MLXIPL: variants seen among roughly 807,000 people sequenced by gnomAD.
The protein encoded by MLXIPL is carbohydrate-responsive element-binding protein.
MLXIPL carries 49 observed loss-of-function variants against 81.5 expected under a neutral mutation model. The ratio of observed to expected loss-of-function variants is 0.60; its 90% CI spans 0.48 to 0.76. The LOEUF is 0.76. Among genes scored for constraint, MLXIPL ranks in the 30% least tolerant of loss-of-function variants. The pLI, the probability that MLXIPL is intolerant of heterozygous loss-of-function variation, is 0.00. For missense variants in MLXIPL, 1,053 were observed against 1,167.0 expected (o/e 0.90, Z 1.42); for synonymous variants, 466 against 485.5 (o/e 0.96, Z 0.53).
At position 73,624,058 on chromosome 7, in the gene MLXIPL, C is replaced by T. The variant is rs545735334; in HGVS notation, c.293+142G>A. 4.5e-4 allele frequency: 537 copies of T among 1,186,614 alleles called. 10 individuals carry two copies. The South Asian group carries it at 8.3e-3, about 18-fold the overall frequency. The allele number at this position is 1,186,614 out of a possible 1,614,324, so 73.5% of individuals were successfully genotyped here. A position where few individuals can be genotyped will look rare whatever the true frequency, so the allele number is the denominator to read the frequency against. ...CTCGGGGCTGGGAGAAAGGGGGTGT[C>T]CAGGGCGTGATCGGAGCCTCCGGGA... On this transcript the variant is annotated intron_variant, in intron 1 of 16. Transcript: ENST00000313375.
upstream of MLXIPL, among the ~76,000 whole-genome samples, chr7:73,625,052 C>A (rs376888948): frequency 5.8e-4 from 88 of 152,104 alleles, 1 homozygote; most frequent in South Asian, 0.012. Context: ...GGCATGGTGG[C>A]GTGTGCATGT....
the MLXIPL span, among the ~76,000 whole-genome samples, chr7:73,643,524 A>G: frequency 3.9e-5 from 6 of 152,044 alleles, no homozygotes; most frequent in African/African-American, 1.4e-4. Context: ...AAAAAAAAAA[A>G]AAAAAAGAAA....
In MLXIPL at chr7:73,607,423, G is replaced by T. The variant is rs892430350; in HGVS notation, c.484-3C>A. The T allele has an allele frequency of 6.4e-7, 1 of 1,555,154 alleles. No individual in the cohort carries two copies. On this transcript the variant is annotated splice_region_variant and splice_polypyrimidine_tract_variant and intron_variant, in intron 3 of 16. Transcript: ENST00000313375. ...TAGTTCCCCTCCAGGACCACGGCCTGGGGTAGGGGCCGGGGGAGGGGGATC... is the reference window on the plus strand; with the variant it reads ...TAGTTCCCCTCCAGGACCACGGCCTTGGGTAGGGGCCGGGGGAGGGGGATC...
chr7:73,627,047 A>G (rs1004096133), upstream of MLXIPL, among the ~76,000 whole-genome samples: 20 of 152,090 alleles, frequency 1.3e-4, no homozygotes, highest in African/African-American at 4.6e-4. Context: ...TTGGCCGGGT[A>G]TCTTCTGTCT....
At chr7:73,639,342 T>C in the MLXIPL span, among the ~76,000 whole-genome samples, 11 of 152,250 alleles carry the variant, frequency 7.2e-5, no homozygotes, top group South Asian at 2.1e-3. Flanking sequence ...ATTTGTGCTA[T>C]AAAATATTTC....
At chr7:73,628,672 G>A (rs782080681), upstream of MLXIPL, among the ~76,000 whole-genome samples, 4 of 152,168 alleles carry the variant, frequency 2.6e-5, no homozygotes, top group Non-Finnish European at 4.4e-5. Context: ...CACAGGCGCC[G>A]CACCCCCTGT....
chr7:73,602,126 GCCTGCCTT>G (rs1794897162), intron 7 of MLXIPL, among the ~76,000 whole-genome samples: 8 of 76,130 alleles, frequency 1.1e-4, no homozygotes, highest in Admixed American at 3.0e-4. Flanking sequence ...CTGCCTGCCT[GCCTGCCTT>G]CCTTCCTTCC....
chr7:73,645,145 G>A, the MLXIPL span, among the ~76,000 whole-genome samples: 1 of 152,108 alleles, frequency 6.6e-6, no homozygotes, highest in African/African-American at 2.4e-5. Flanking sequence ...TCCTGTGTCA[G>A]CCTCCTGAGT....
At chr7:73,597,749 G>A in intron 8 of MLXIPL, 36 bp from the exon 9 acceptor site, 1 of 1,318,036 alleles carries the variant, frequency 7.6e-7, no homozygotes, top group Non-Finnish European at 9.7e-7. Flanking sequence ...CAGAGAGCAG[G>A]GGAGAGAGCT....
At chr7:73,640,702 G>A in the MLXIPL span, among the ~76,000 whole-genome samples, 60 of 151,078 alleles carry the variant, frequency 4.0e-4, no homozygotes, top group South Asian at 8.6e-3. Context: ...GCTTGAATCC[G>A]GGAGGCGGAG....
chr7:73,624,200 C>T lies in MLXIPL; in HGVS notation c.293G>A (p.Ser98Asn). ...CGTCAGGGCCCGGAACCGCCCTCAC[C>T]TGTAGGCCAGGCTCAAGCACTCGAA... ...RLFECLSLAYSGKLVSPKWKN... is the reference protein window; with the variant it reads ...RLFECLSLAYNGKLVSPKWKN... Residue 98 changes from serine to asparagine, a missense_variant and splice_region_variant, in exon 1 of 17, where the codon AGT becomes AAT. Physicochemically the swap from Ser to Asn is conservative, Grantham distance 46 (BLOSUM62 1). Around this residue, in one of 3 missense-constraint regions of MLXIPL, gnomAD observed 226 missense variants for 216.2 expected, o/e 1.05. Transcript: ENST00000313375. 6.3e-7 allele frequency: 1 copy of T among 1,587,892 alleles called. No individual in the cohort carries two copies. Among genetic ancestry groups the T allele is most frequent in the Non-Finnish European group, 8.6e-7 (1 of 1,168,856 alleles).
At position 73,596,052 on chromosome 7, in the gene MLXIPL, A is replaced by G. The variant is rs970117770; in HGVS notation, c.2059-83T>C. The G allele has an allele frequency of 4.8e-5, 77 of 1,601,002 alleles. No individual in the cohort carries two copies. The African/African-American group carries it at 9.4e-4, about 19-fold the overall frequency. ...CTGAGGCACTGGGATGGGAGGAGGCAAGAGTGTCTGGAGCACTCCCCTGCA... is the reference window on the plus strand; with the variant it reads ...CTGAGGCACTGGGATGGGAGGAGGCGAGAGTGTCTGGAGCACTCCCCTGCA... On this transcript the variant is annotated intron_variant, in intron 13 of 16. Coordinates refer to ENST00000313375, the MANE Select transcript of MLXIPL (RefSeq NM_032951.3). This position sits in a 1 kb window ranked among gnomAD's most constrained non-coding sequence, Gnocchi z 4.7.
At chr7:73,624,135 G>A (rs1331972663) in intron 1 of MLXIPL, 65 bp downstream of exon 1, 4 of 1,352,862 alleles carry the variant, frequency 3.0e-6, no homozygotes, top group African/African-American at 3.0e-5. Context: ...GCGCAGTCCT[G>A]CCCCGGACCC....
upstream of MLXIPL, among the ~76,000 whole-genome samples, chr7:73,625,109 A>C (rs1796660066): frequency 6.6e-6 from 1 of 152,166 alleles, no homozygotes; most frequent in Non-Finnish European, 1.5e-5. Flanking sequence ...GCTTGAGACC[A>C]AGAGGTTGAG....
At chr7:73,629,960 G>T in the MLXIPL span, among the ~76,000 whole-genome samples, 1 of 144,056 alleles carries the variant, frequency 6.9e-6, no homozygotes, top group Non-Finnish European at 1.5e-5. Flanking sequence ...CCCTTGGCTT[G>T]TCTTTTTTAT....
At chr7:73,642,056 T>C in the MLXIPL span, among the ~76,000 whole-genome samples, 33 of 152,198 alleles carry the variant, frequency 2.2e-4, no homozygotes, top group Non-Finnish European at 2.6e-4. Context: ...AACTTCTGAT[T>C]GACCAGCTAT....
chr7:73,607,176 C>G, intron 4 of MLXIPL, 155 bp downstream of exon 4: 1 of 1,255,738 alleles, frequency 8.0e-7, no homozygotes, highest in Non-Finnish European at 1.1e-6. Flanking sequence ...ACGCTGTGGC[C>G]ACACGGTGGC....
the MLXIPL span, among the ~76,000 whole-genome samples, chr7:73,643,201 C>T: frequency 6.6e-6 from 1 of 152,154 alleles, no homozygotes; most frequent in Admixed American, 6.6e-5. Context: ...TTGTACACAG[C>T]ACATCAAGGC....
intron 2 of MLXIPL, chr7:73,610,835 T>C (rs1795644238): frequency 6.6e-6 from 1 of 152,086 alleles, no homozygotes; most frequent in African/African-American, 2.4e-5. Flanking sequence ...CTTTTCCTTT[T>C]TTTTTTAAGA....
Sources: allele counts gnomAD v4.1 joint callset (sites outside exome capture counted in the v4.1 genomes callset), GRCh38; gene constraint gnomAD v4.1.1; regional missense constraint gnomAD v4.1.1; non-coding constraint Gnocchi (gnomAD v3.1); transcripts MANE v1.5; gene names NCBI Gene and HGNC (gene_info 2026-07-23, HGNC 2026-07-21).